XRCC4: variants seen among roughly 807,000 people sequenced by gnomAD.
The protein encoded by XRCC4 is DNA repair protein XRCC4.
A neutral mutation model predicts 39.1 loss-of-function variants in XRCC4; 28 were observed. The ratio of observed to expected loss-of-function variants is 0.72; its 90% CI spans 0.53 to 0.98. XRCC4 has a LOEUF of 0.98. Among genes scored for constraint, XRCC4 ranks in the 50% least tolerant of loss-of-function variants. The pLI is 0.00. For synonymous variants in XRCC4, 123 were observed against 126.4 expected (o/e 0.97, Z 0.18); for missense variants, 350 against 376.4 (o/e 0.93, Z 0.58).
intron 7 of XRCC4, among the ~76,000 whole-genome samples, chr5:83,282,713 G>C (rs937154979): frequency 6.6e-6 from 1 of 151,954 alleles, no homozygotes; most frequent in Non-Finnish European, 1.5e-5. Context: ...ATGGTGGCAG[G>C]CGCCTGTAGT....
At chr5:83,366,371 A>T in the XRCC4 span, among the ~76,000 whole-genome samples, 1 of 152,124 alleles carries the variant, frequency 6.6e-6, no homozygotes, top group Admixed American at 6.6e-5. Context: ...TGTCTCTCCC[A>T]ACCTACATCC....
chr5:83,305,822 CA>C (rs1755463991), intron 7 of XRCC4, among the ~76,000 whole-genome samples: 1 of 152,130 alleles, frequency 6.6e-6, no homozygotes, highest in Non-Finnish European at 1.5e-5. Context: ...AACAATTAAA[CA>C]TTCAAACATA....
At chr5:83,168,967 C>G (rs1220507649) in intron 3 of XRCC4, among the ~76,000 whole-genome samples, 1 of 152,042 alleles carries the variant, frequency 6.6e-6, no homozygotes, top group Non-Finnish European at 1.5e-5. Flanking sequence ...CTGATGGGAG[C>G]TCCTAGATGA....
intron 1 of XRCC4, among the ~76,000 whole-genome samples, chr5:83,081,842 C>T (rs1305967887): frequency 6.6e-6 from 1 of 152,170 alleles, no homozygotes; most frequent in Non-Finnish European, 1.5e-5. Context: ...TTTTCTACCT[C>T]TGCATCTTCA....
chr5:83,140,612 C>T (rs1392768222), intron 3 of XRCC4, among the ~76,000 whole-genome samples: 5 of 152,120 alleles, frequency 3.3e-5, no homozygotes, highest in African/African-American at 1.2e-4. Context: ...ATCATCACAG[C>T]ATGTAAAACA....
rs554462808 is a variant in XRCC4, at chr5:83,086,350, CTCATCAATAACATAAACAGTTGA to C, written c.-11+8737_-11+8759del. On this transcript the variant is annotated intron_variant, in intron 1 of 7. Transcript: ENST00000396027. The stretch of plus-strand genomic sequence containing the variant: ...TAATAGTTTATTGTTGACCAGAAGC[CTCATCAATAACATAAACAGTTGA>C]TTAACATATGTTTTGTGTGTTATAT... 1.5e-4 allele frequency among the ~76,000 whole-genome samples: 23 copies of C among 152,218 alleles called. 1 individual carries two copies. In the East Asian group the frequency reaches 4.4e-3, roughly 29 times the overall value.
At chr5:83,221,252 A>T (rs1242456274) in intron 6 of XRCC4, among the ~76,000 whole-genome samples, 3 of 152,238 alleles carry the variant, frequency 2.0e-5, no homozygotes, top group East Asian at 3.9e-4. Context: ...TAATTTAGAC[A>T]CCTAAATTAT....
intron 6 of XRCC4, among the ~76,000 whole-genome samples, chr5:83,210,432 A>G (rs964227630): frequency 2.0e-5 from 3 of 152,170 alleles, no homozygotes; most frequent in Non-Finnish European, 2.9e-5. Context: ...TAGACTGTAT[A>G]GTTCTAGATC....
chr5:83,354,120 T>A (rs1362475502), downstream of XRCC4, among the ~76,000 whole-genome samples: 2 of 152,226 alleles, frequency 1.3e-5, no homozygotes, highest in Non-Finnish European at 2.9e-5. Flanking sequence ...TGTTGCTAAA[T>A]CCAGTGGTTG....
intron 6 of XRCC4, among the ~76,000 whole-genome samples, chr5:83,241,794 A>G (rs1378729880): frequency 6.6e-6 from 1 of 152,196 alleles, no homozygotes; most frequent in Non-Finnish European, 1.5e-5. Flanking sequence ...ACTATTATAT[A>G]TTCTTACAAT....
chr5:83,301,560 CAGA>C (rs1755285859), intron 7 of XRCC4, among the ~76,000 whole-genome samples: 1 of 151,520 alleles, frequency 6.6e-6, no homozygotes, highest in Non-Finnish European at 1.5e-5. Context: ...CTTTGCTGTG[CAGA>C]AGCTCTTTAG....
intron 6 of XRCC4, among the ~76,000 whole-genome samples, chr5:83,230,582 G>A (rs939440845): frequency 5.9e-5 from 9 of 151,880 alleles, no homozygotes; most frequent in Admixed American, 5.3e-4. Flanking sequence ...AACAAAAATA[G>A]CATCTGATAG....
At chr5:83,311,726 AT>A (rs1444966657) in intron 7 of XRCC4, among the ~76,000 whole-genome samples, 2 of 152,148 alleles carry the variant, frequency 1.3e-5, no homozygotes, top group Admixed American at 6.5e-5. Flanking sequence ...TGTTTTATAT[AT>A]ATTATTAAAC....
intron 7 of XRCC4, among the ~76,000 whole-genome samples, chr5:83,303,723 C>T (rs1362736461): frequency 6.6e-6 from 1 of 152,022 alleles, no homozygotes; most frequent in Non-Finnish European, 1.5e-5. Context: ...AGAGGCAGCA[C>T]CACATAGACT....
chr5:83,200,827 A>G (rs1041952922), intron 4 of XRCC4, among the ~76,000 whole-genome samples: 1 of 152,056 alleles, frequency 6.6e-6, no homozygotes, highest in African/African-American at 2.4e-5. Flanking sequence ...GTATGTTTTA[A>G]AGTTTTTTGT....
intron 3 of XRCC4, among the ~76,000 whole-genome samples, chr5:83,189,819 CT>C (rs1253239128): frequency 1.3e-5 from 2 of 152,136 alleles, no homozygotes; most frequent in Admixed American, 1.3e-4. Flanking sequence ...AATCTCAGCA[CT>C]TTGGGAGGCC....
At chr5:83,334,674 C>CATATAT (rs150054914) in intron 7 of XRCC4, among the ~76,000 whole-genome samples, 59 of 147,818 alleles carry the variant, frequency 4.0e-4, no homozygotes, top group African/African-American at 1.4e-3. Context: ...TATGTGTGTG[C>CATATAT]ATATATATAT....
intron 3 of XRCC4, among the ~76,000 whole-genome samples, chr5:83,161,878 T>A (rs921972497): frequency 3.3e-5 from 5 of 152,210 alleles, no homozygotes; most frequent in African/African-American, 1.2e-4. Context: ...TGGTTTGGCA[T>A]ATGCCTTTAA....
At chr5:83,194,974 A>T (rs561905617) in intron 3 of XRCC4, among the ~76,000 whole-genome samples, 8 of 152,164 alleles carry the variant, frequency 5.3e-5, no homozygotes, top group Non-Finnish European at 1.2e-4. Flanking sequence ...CAACCAAAAG[A>T]TGTGGTAACT....
Sources: allele counts gnomAD v4.1 joint callset (sites outside exome capture counted in the v4.1 genomes callset), GRCh38; gene constraint gnomAD v4.1.1; transcripts MANE v1.5; gene names NCBI Gene and HGNC (gene_info 2026-07-23, HGNC 2026-07-21).